KCNN3: variants seen among roughly 807,000 people sequenced by gnomAD.
KCNN3 encodes the protein potassium calcium-activated channel subfamily N member 3.
A neutral mutation model predicts 62.9 loss-of-function variants in KCNN3; 16 were observed. That is an observed-to-expected ratio of 0.25 (90% CI 0.17 to 0.39). The LOEUF (loss-of-function observed/expected upper bound fraction) is 0.39. Among genes scored for constraint, KCNN3 ranks in the 10% least tolerant of loss-of-function variants. The probability of loss-of-function intolerance (pLI) is 1.00; values close to 1 mark genes in which losing one functional copy is unlikely to be tolerated. For synonymous variants in KCNN3, 370 were observed against 389.2 expected (o/e 0.95, Z 0.58); for missense variants, 599 against 949.4 (o/e 0.63, Z 4.85).
chr1:154,833,980 A>G (rs1651479834), intron 1 of KCNN3, among the ~76,000 whole-genome samples: 1 of 152,284 alleles, frequency 6.6e-6, no homozygotes, highest in African/African-American at 2.4e-5. Flanking sequence ...AGTGCGGCAT[A>G]AGAAGTAGAA....
chr1:154,829,325 G>A (rs189193675), intron 1 of KCNN3, among the ~76,000 whole-genome samples: 1 of 152,316 alleles, frequency 6.6e-6, no homozygotes, highest in East Asian at 1.9e-4. Flanking sequence ...CTCTCTCCAC[G>A]GCAGAGCTCA....
intron 5 of KCNN3, among the ~76,000 whole-genome samples, 162 bp from the exon 6 acceptor site, chr1:154,715,165 C>T (rs9919337): frequency 0.23 from 35,498 of 151,978 alleles, 4,737 homozygotes; most frequent in Middle Eastern, 0.31. Context: ...AGGCCGGGCA[C>T]GGTGGCTCCC....
chr1:154,718,095 G>T (rs1052052358), intron 5 of KCNN3, among the ~76,000 whole-genome samples: 1 of 152,182 alleles, frequency 6.6e-6, no homozygotes, highest in Non-Finnish European at 1.5e-5. Context: ...GCAGCAGTGC[G>T]AGAGGGCAGG....
At chr1:154,780,725 A>C (rs10752608) in intron 2 of KCNN3, among the ~76,000 whole-genome samples, 84,777 of 151,726 alleles carry the variant, frequency 0.56, 24,063 homozygotes, top group East Asian at 0.67. Context: ...GGTTTCCCTG[A>C]GGACAGGAGC....
chr1:154,811,190 G>C (rs892194939), intron 2 of KCNN3, among the ~76,000 whole-genome samples: 4 of 152,266 alleles, frequency 2.6e-5, no homozygotes, highest in Admixed American at 1.3e-4. Flanking sequence ...TAGGGCGATG[G>C]GACAGGGTAA....
At position 154,699,690 on chromosome 1, in the gene KCNN3, A is replaced by G. The variant is rs559089296; in HGVS notation, c.*8286T>C. 6.6e-6 allele frequency: 1 copy of G among 152,286 alleles called. No homozygotes were observed. Among genetic ancestry groups the G allele is most frequent in the South Asian group, 2.1e-4 (1 of 4,820 alleles). 9.4% of individuals were successfully genotyped at this position (152,286 alleles called of 1,614,324 possible). On this transcript the variant is annotated 3_prime_UTR_variant, in exon 8 of 8. Transcript: ENST00000271915. ...GATTAGCAATGTTTCTAGATGGTTAAACTAACTTCTCTTGCTATTTTCCTC... is the reference window on the plus strand; with the variant it reads ...GATTAGCAATGTTTCTAGATGGTTAGACTAACTTCTCTTGCTATTTTCCTC...
At chr1:154,804,361 AAG>A (rs1253767431) in intron 2 of KCNN3, among the ~76,000 whole-genome samples, 2 of 152,256 alleles carry the variant, frequency 1.3e-5, no homozygotes, top group African/African-American at 4.8e-5. Context: ...AAAACGCACT[AAG>A]AGTTTTTTAT....
intron 2 of KCNN3, among the ~76,000 whole-genome samples, chr1:154,820,619 G>A (rs1650852438): frequency 6.6e-6 from 1 of 152,164 alleles, no homozygotes; most frequent in Non-Finnish European, 1.5e-5. Flanking sequence ...CGTGGCCCTA[G>A]TCCTCCCTGC....
At chr1:154,849,686 C>T (rs1408181759) in intron 1 of KCNN3, among the ~76,000 whole-genome samples, 5 of 152,186 alleles carry the variant, frequency 3.3e-5, no homozygotes. Context: ...GGTGAGGGAA[C>T]GAGAGGACCT....
chr1:154,851,213 G>C (rs1224135266), intron 1 of KCNN3, among the ~76,000 whole-genome samples: 1 of 152,100 alleles, frequency 6.6e-6, no homozygotes, highest in Non-Finnish European at 1.5e-5. Flanking sequence ...TCCTGACTTC[G>C]TGATCCACCC....
At chr1:154,823,045 A>G (rs1037730065) in intron 1 of KCNN3, among the ~76,000 whole-genome samples, 11 of 152,192 alleles carry the variant, frequency 7.2e-5, no homozygotes, top group Non-Finnish European at 1.3e-4. Flanking sequence ...AATATTCTGG[A>G]CTACCTCACA....
At chr1:154,766,413 G>T (rs1227301086) in intron 3 of KCNN3, among the ~76,000 whole-genome samples, 4 of 16,750 alleles carry the variant, frequency 2.4e-4, no homozygotes, top group South Asian at 3.0e-3. Context: ...TACTAGCCAG[G>T]CTTTATATAT....
intron 7 of KCNN3, among the ~76,000 whole-genome samples, chr1:154,712,078 G>A (rs1700090528): frequency 6.6e-6 from 1 of 152,078 alleles, no homozygotes; most frequent in Admixed American, 6.5e-5. Context: ...GAGAACTGAA[G>A]CAGTCACTTA....
At chr1:154,801,145 G>A (rs868582025) in intron 2 of KCNN3, among the ~76,000 whole-genome samples, 1 of 151,210 alleles carries the variant, frequency 6.6e-6, no homozygotes, top group Admixed American at 6.6e-5. Context: ...GTGGGGGGGA[G>A]AGCCTCACCC....
At chr1:154,726,080 A>G in intron 4 of KCNN3, 54 bp from the exon 5 acceptor site, 1 of 1,356,220 alleles carries the variant, frequency 7.4e-7, no homozygotes, top group Non-Finnish European at 1.0e-6. Flanking sequence ...ATTAAGAGGC[A>G]AGATGAGAGA....
At chr1:154,822,594 G>A (rs868594651) in intron 1 of KCNN3, among the ~76,000 whole-genome samples, 2 of 152,190 alleles carry the variant, frequency 1.3e-5, no homozygotes, top group East Asian at 1.9e-4. Context: ...TCAATATTAC[G>A]CCAGCTTGGG....
rs1259295254 is a variant in KCNN3, at chr1:154,706,623, A to G, written c.*1353T>C. 4 of 152,208 alleles carry G rather than the reference A, an allele frequency of 2.6e-5. No individual in the cohort carries two copies. The highest frequency in any genetic ancestry group is 9.7e-5 in the African/African-American group (4 of 41,450). The allele number at this position is 152,208 out of a possible 1,614,324, so 9.4% of individuals were successfully genotyped here. A position where few individuals can be genotyped will look rare whatever the true frequency, so the allele number is the denominator to read the frequency against. Reference sequence around the variant, plus strand: ...GGCACAGTAGGAACAGGCTACTGACAAATCCATGTCCACTTACCTTACCCA... The same window carrying G: ...GGCACAGTAGGAACAGGCTACTGACGAATCCATGTCCACTTACCTTACCCA... On this transcript the variant is annotated 3_prime_UTR_variant, in exon 8 of 8. Coordinates refer to ENST00000271915, the MANE Select transcript of KCNN3 (RefSeq NM_002249.6).
intron 1 of KCNN3, among the ~76,000 whole-genome samples, chr1:154,842,095 T>C (rs1260427703): frequency 6.6e-6 from 1 of 152,172 alleles, no homozygotes; most frequent in African/African-American, 2.4e-5. Context: ...CCTTGGGGGA[T>C]TGACCCACTT....
intron 3 of KCNN3, among the ~76,000 whole-genome samples, chr1:154,766,416 T>TTATATATATATATATTTATATA (rs1553231998): frequency 1.4e-5 from 1 of 71,804 alleles, no homozygotes; most frequent in Non-Finnish European, 2.8e-5. Flanking sequence ...TAGCCAGGCT[T>TTATATATATATATATTTATATA]TATATATATA....
Sources: allele counts gnomAD v4.1 joint callset (sites outside exome capture counted in the v4.1 genomes callset), GRCh38; gene constraint gnomAD v4.1.1; transcripts MANE v1.5; gene names NCBI Gene and HGNC (gene_info 2026-07-23, HGNC 2026-07-21).